The following DPP10 variants were observed in gnomAD, a reference collection of about 807,000 sequenced individuals.
The protein encoded by DPP10 is dipeptidyl peptidase like 10, also known as inactive dipeptidyl peptidase 10.
Under a neutral mutation model 120.9 loss-of-function variants are expected in DPP10, and 33 were observed. That is an observed-to-expected ratio of 0.27 (90% CI 0.21 to 0.37). DPP10 has a LOEUF of 0.37. Among genes scored for constraint, DPP10 ranks in the 10% least tolerant of loss-of-function variants. The pLI is 1.00. For synonymous variants in DPP10, 337 were observed against 326.1 expected, an observed-to-expected ratio of 1.03 and a Z score of -0.36; for missense variants, 816 against 942.8, an observed-to-expected ratio of 0.87 and a Z score of 1.76.
At chr2:115,045,017 T>C (rs1234931576) in intron 1 of DPP10, among the ~76,000 whole-genome samples, 1 of 152,208 alleles carries the variant, frequency 6.6e-6, no homozygotes, top group Non-Finnish European at 1.5e-5. Flanking sequence ...TCCATTCATC[T>C]GTTGATGGAT....
intron 1 of DPP10, among the ~76,000 whole-genome samples, chr2:114,549,914 G>A (rs540258067): frequency 5.9e-5 from 9 of 152,184 alleles, no homozygotes; most frequent in Non-Finnish European, 8.8e-5. Context: ...ATGGGGTGAC[G>A]TGGGGCTGGA....
intron 1 of DPP10, among the ~76,000 whole-genome samples, chr2:114,641,034 C>A (rs1695667829): frequency 1.3e-5 from 2 of 151,908 alleles, no homozygotes; most frequent in South Asian, 4.1e-4. Flanking sequence ...AAATAAAAGT[C>A]ATGAAACATA....
intron 2 of DPP10, among the ~76,000 whole-genome samples, chr2:115,340,789 A>G (rs1271122437): frequency 1.3e-5 from 2 of 151,784 alleles, no homozygotes; most frequent in East Asian, 3.8e-4. Flanking sequence ...TTTAAATTTA[A>G]TAGATAAGGA....
intron 1 of DPP10, chr2:115,161,188 T>C (rs2052297235): frequency 6.6e-6 from 1 of 152,504 alleles, no homozygotes; most frequent in African/African-American, 2.4e-5. Context: ...GGACGCCCGC[T>C]GCCCCGGATC....
intron 2 of DPP10, among the ~76,000 whole-genome samples, chr2:115,336,147 C>CT (rs567862942): frequency 1.8e-4 from 27 of 150,958 alleles, no homozygotes; most frequent in East Asian, 3.9e-4. Flanking sequence ...GAAGAACTTT[C>CT]TTTTTTTTTC....
chr2:115,492,232 T>C (rs757511624), intron 3 of DPP10, among the ~76,000 whole-genome samples: 6 of 152,150 alleles, frequency 3.9e-5, no homozygotes, highest in Admixed American at 6.6e-5. Context: ...TCCACCAAAA[T>C]AACCTATTAA....
intron 5 of DPP10, among the ~76,000 whole-genome samples, chr2:115,549,839 G>A (rs1195890877): frequency 5.3e-5 from 8 of 152,032 alleles, no homozygotes; most frequent in East Asian, 1.9e-4. Context: ...TTTATCCACC[G>A]TCCATGCTCC....
intron 1 of DPP10, among the ~76,000 whole-genome samples, chr2:114,537,364 A>G (rs891112601): frequency 2.0e-5 from 3 of 152,106 alleles, no homozygotes; most frequent in Non-Finnish European, 4.4e-5. Context: ...ATAGGAATTC[A>G]TGTGCATTCA....
At chr2:114,585,969 C>G (rs1263678062) in intron 1 of DPP10, among the ~76,000 whole-genome samples, 1 of 152,068 alleles carries the variant, frequency 6.6e-6, no homozygotes, top group Non-Finnish European at 1.5e-5. Flanking sequence ...GTTTTATGGC[C>G]CAGTATGATG....
At chr2:115,026,081 C>T (rs1006689776) in intron 1 of DPP10, among the ~76,000 whole-genome samples, 50 of 152,198 alleles carry the variant, frequency 3.3e-4, no homozygotes, top group African/African-American at 1.2e-3. Context: ...AGATTTTACA[C>T]AAAATATCTT....
intron 1 of DPP10, among the ~76,000 whole-genome samples, chr2:114,462,697 G>C (rs935403960): frequency 6.6e-6 from 1 of 152,126 alleles, no homozygotes; most frequent in Non-Finnish European, 1.5e-5. Context: ...ACTATAAAAC[G>C]CTCTTCCCCC....
intron 3 of DPP10, among the ~76,000 whole-genome samples, chr2:115,446,052 C>G (rs1470667771): frequency 6.6e-6 from 1 of 152,136 alleles, no homozygotes; most frequent in Non-Finnish European, 1.5e-5. Flanking sequence ...GACTTGGTGT[C>G]CTGTAGCCCA....
rs369486080 is a variant in DPP10, at chr2:115,782,302, A to G, written c.1484-50A>G. ...CTATTATGTAAACTTTCTAATGATT[A>G]TTACTTAGACATCTTTAAAAATATT... On this transcript the variant is annotated intron_variant, in intron 16 of 25. Coordinates refer to ENST00000410059, the MANE Select transcript of DPP10 (RefSeq NM_020868.6). The G allele has an allele frequency of 5.4e-6, 8 of 1,491,132 alleles. No homozygotes were observed. The African/African-American group carries it at 1.1e-4, about 21-fold the overall frequency. 92.4% of individuals were successfully genotyped at this position (1,491,132 alleles called of 1,614,324 possible).
chr2:114,854,705 T>C (rs945702973), intron 1 of DPP10, among the ~76,000 whole-genome samples: 3 of 152,176 alleles, frequency 2.0e-5, no homozygotes, highest in Non-Finnish European at 1.5e-5. Context: ...CTCCAGAATA[T>C]TGCCATTGAA....
At chr2:115,328,285 A>G (rs763552681) in intron 2 of DPP10, among the ~76,000 whole-genome samples, 1 of 152,122 alleles carries the variant, frequency 6.6e-6, no homozygotes, top group East Asian at 1.9e-4. Flanking sequence ...TACATTTCTC[A>G]TATTTAGATT....
chr2:115,051,590 T>G (rs1705486317), intron 1 of DPP10, among the ~76,000 whole-genome samples: 2 of 152,214 alleles, frequency 1.3e-5, no homozygotes, highest in Admixed American at 1.3e-4. Flanking sequence ...AAAGTCATTA[T>G]AAATGCATTT....
chr2:114,443,571 G>A (rs927640369), intron 1 of DPP10, among the ~76,000 whole-genome samples: 1 of 151,888 alleles, frequency 6.6e-6, no homozygotes, highest in African/African-American at 2.4e-5. Context: ...TTTCCAAGAA[G>A]GCTTATAAAC....
At chr2:114,895,578 A>G (rs1184611141) in intron 1 of DPP10, among the ~76,000 whole-genome samples, 1 of 152,200 alleles carries the variant, frequency 6.6e-6, no homozygotes, top group Non-Finnish European at 1.5e-5. Context: ...TCTCAGAGAC[A>G]GAGAGAGCCT....
Position 115,212,927 on chromosome 2 carries a change from T to C in DPP10, c.61-96312T>C, listed in dbSNP as rs547758425. On this transcript the variant is annotated intron_variant, in intron 1 of 25. Transcript: ENST00000410059. ...CATATGGAGTTGAAAGAGTCTATTT[T>C]ACTTCTCTTTCAGGATCATACAAAT... Among the ~76,000 whole-genome samples the C allele has an allele frequency of 2.0e-5, 3 of 152,298 alleles. No homozygotes were observed. In the East Asian group the frequency reaches 5.8e-4, roughly 29 times the overall value.
Sources: allele counts gnomAD v4.1 joint callset (sites outside exome capture counted in the v4.1 genomes callset), GRCh38; gene constraint gnomAD v4.1.1; transcripts MANE v1.5; gene names NCBI Gene and HGNC (gene_info 2026-07-23, HGNC 2026-07-21).